The following MARCHF6 variants were observed in gnomAD, a reference collection of about 807,000 sequenced individuals.
MARCHF6 encodes the protein E3 ubiquitin-protein ligase MARCHF6.
In MARCHF6, 31 loss-of-function variants were observed where a neutral mutation model predicts 133.7. The ratio of observed to expected loss-of-function variants is 0.23; its 90% CI spans 0.17 to 0.31. MARCHF6 has a LOEUF of 0.31. Ranked by LOEUF, MARCHF6 falls within the 10% of genes least tolerant of loss-of-function variation. The pLI, the probability that MARCHF6 is intolerant of heterozygous loss-of-function variation, is 1.00. For missense variants in MARCHF6, 723 were observed against 1,121.6 expected (o/e 0.64, Z 5.08); for synonymous variants, 395 against 402.5 (o/e 0.98, Z 0.22).
intron 9 of MARCHF6, among the ~76,000 whole-genome samples, chr5:10,395,123 A>G (rs1738115121): frequency 6.6e-6 from 1 of 152,170 alleles, no homozygotes; most frequent in Non-Finnish European, 1.5e-5. Context: ...CTAGTAACAG[A>G]ATTGGAGTTG....
chr5:10,403,652 T>G, intron 15 of MARCHF6, 111 bp downstream of exon 15: 1 of 964,980 alleles, frequency 1.0e-6, no homozygotes, highest in Non-Finnish European at 1.5e-6. Context: ...TCATATTCTC[T>G]ACTATTTTAT....
At chr5:10,412,489 A>C (rs1199469309) in intron 19 of MARCHF6, among the ~76,000 whole-genome samples, 1 of 152,184 alleles carries the variant, frequency 6.6e-6, no homozygotes, top group Non-Finnish European at 1.5e-5. Flanking sequence ...GAGAGTGAAA[A>C]AAAGGAAGTG....
In MARCHF6 at chr5:10,423,398, A is replaced by G. The variant is rs1239699441; in HGVS notation, c.2284-337A>G. On this transcript the variant is annotated intron_variant, in intron 22 of 25. Transcript: ENST00000274140. Reference sequence around the variant, plus strand: ...ACATAAATCAGCTCACTTGAAACCAATGAAATAGCCTAAAGATAGTTTGAA... The same window carrying G: ...ACATAAATCAGCTCACTTGAAACCAGTGAAATAGCCTAAAGATAGTTTGAA... 3.9e-5 allele frequency among the ~76,000 whole-genome samples: 6 copies of G among 152,376 alleles called. No homozygotes were observed. The South Asian group carries it at 1.0e-3, about 26-fold the overall frequency.
intron 22 of MARCHF6, among the ~76,000 whole-genome samples, chr5:10,420,420 G>A (rs1445850065): frequency 6.8e-6 from 1 of 148,124 alleles, no homozygotes; most frequent in Non-Finnish European, 1.5e-5. Context: ...ATGGCTCAAA[G>A]GGAAACACAC....
At chr5:10,380,213 G>A (rs1272159446) in intron 3 of MARCHF6, among the ~76,000 whole-genome samples, 3 of 148,956 alleles carry the variant, frequency 2.0e-5, no homozygotes, top group Non-Finnish European at 4.5e-5. Context: ...TGAGCTTCTC[G>A]ATATAAATGC....
rs1740661001 is a variant in MARCHF6, at chr5:10,436,503, T to C, written c.*2819T>C. 1 of 152,130 alleles carries C rather than the reference T, an allele frequency of 6.6e-6. No individual in the cohort carries two copies. The highest frequency in any genetic ancestry group is 2.4e-5 in the African/African-American group (1 of 41,430). The allele number at this position is 152,130 out of a possible 1,614,324, so 9.4% of individuals were successfully genotyped here. A position where few individuals can be genotyped will look rare whatever the true frequency, so the allele number is the denominator to read the frequency against. On this transcript the variant is annotated 3_prime_UTR_variant, in exon 26 of 26. Coordinates refer to ENST00000274140, the MANE Select transcript of MARCHF6 (RefSeq NM_005885.4). ...ATTTTTTTTTAAATTATACTATTAT[T>C]TTGCTTAATTTTATATTGGGTTAAA...
chr5:10,424,238 G>T (rs960592395), intron 23 of MARCHF6, among the ~76,000 whole-genome samples: 1 of 152,098 alleles, frequency 6.6e-6, no homozygotes, highest in African/African-American at 2.4e-5. Context: ...AGTCTCTAGG[G>T]GTGGCAAGTG....
chr5:10,381,757 T>C, intron 3 of MARCHF6, 43 bp from the exon 4 acceptor site: 1 of 1,471,426 alleles, frequency 6.8e-7, no homozygotes, highest in Non-Finnish European at 9.2e-7. Flanking sequence ...TAAGCTATTT[T>C]CGAATCTTCA....
rs1378165524 is a variant in MARCHF6 at position 10,378,830 on chromosome 5, C to T, written c.188C>T (p.Pro63Leu). ...ELCKHRFAFT[P>L]IYSPDMPSRL... ...TGCAAGCACAGATTTGCTTTTACAC[C>T]AAGTAAGTTCTTTAGACATTTTCAC... The change falls in exon 3 of 26, where the codon CCA becomes CTA. Residue 63 changes from proline to leucine, a missense_variant and splice_region_variant. This residue lies in a region of MARCHF6 where 91 missense variants were observed against 208.8 expected (regional missense o/e 0.44). Transcript: ENST00000274140. 2.5e-6 allele frequency: 4 copies of T among 1,603,140 alleles called. No individual in the cohort carries two copies. The highest frequency in any genetic ancestry group is 3.4e-6 in the Non-Finnish European group (4 of 1,172,486).
At chr5:10,373,708 C>T (rs1042764300) in intron 1 of MARCHF6, among the ~76,000 whole-genome samples, 6 of 152,126 alleles carry the variant, frequency 3.9e-5, no homozygotes, top group Non-Finnish European at 8.8e-5. Flanking sequence ...GGCTGCTATA[C>T]CCTACTTCCT....
chr5:10,430,827 G>A (rs1561155060), intron 25 of MARCHF6, among the ~76,000 whole-genome samples: 1 of 152,142 alleles, frequency 6.6e-6, no homozygotes, highest in Non-Finnish European at 1.5e-5. Context: ...TCTCTGTTTT[G>A]AGGAAACCAT....
Position 10,411,370 on chromosome 5 carries a change from A to C in MARCHF6, c.1729A>C (p.Asn577His). 6.2e-7 allele frequency: 1 copy of C among 1,614,196 alleles called. No homozygotes were observed. The highest frequency in any genetic ancestry group is 8.5e-7 in the Non-Finnish European group (1 of 1,180,016). The stretch of plus-strand genomic sequence containing the variant: ...TTATTTATTGGGAGACCAGGAAGAA[A>C]ATGAAAACAGTGCAAATCAACAAGT... The part of the protein sequence containing the change: ...HSYLLGDQEE[N>H]ENSANQQVNN... The change falls in exon 19 of 26, where the codon AAT (asparagine) becomes CAT (histidine). Residue 577 changes from asparagine to histidine, a missense_variant. Physicochemically the swap from Asn to His is moderately conservative, Grantham distance 68 (BLOSUM62 1). Around this residue, in one of 4 missense-constraint regions of MARCHF6, gnomAD observed 492 missense variants for 699.5 expected, o/e 0.70. Coordinates refer to ENST00000274140, the MANE Select transcript of MARCHF6 (RefSeq NM_005885.4).
At chr5:10,371,514 A>G (rs1039994413) in intron 1 of MARCHF6, among the ~76,000 whole-genome samples, 1 of 152,202 alleles carries the variant, frequency 6.6e-6, no homozygotes, top group African/African-American at 2.4e-5. Context: ...AGAGAGAGCA[A>G]GTGAGCTTGT....
At chr5:10,406,389 C>A (rs12513484) in intron 16 of MARCHF6, among the ~76,000 whole-genome samples, 1 of 151,000 alleles carries the variant, frequency 6.6e-6, no homozygotes, top group Middle Eastern at 3.2e-3. Flanking sequence ...AATCTAATTT[C>A]TTTCTTTTTT....
At chr5:10,358,912 T>A (rs1233923685) in intron 1 of MARCHF6, among the ~76,000 whole-genome samples, 1 of 152,214 alleles carries the variant, frequency 6.6e-6, no homozygotes, top group Admixed American at 6.5e-5. Flanking sequence ...CCATTCACAG[T>A]TGAGAGATGT....
In MARCHF6 at chr5:10,411,429, T is replaced by G. The variant is rs747742203; in HGVS notation, c.1788T>G (p.Ala596=). 6.2e-7 allele frequency: 1 copy of G among 1,614,112 alleles called. No homozygotes were observed. The highest frequency in any genetic ancestry group is 1.3e-5 in the African/African-American group (1 of 74,938). ...ATCAGCATGCTCGAAATAACAACGCTATTCCTGTGGTGGGAGAAGGCCTTC... is the reference window on the plus strand; with the variant it reads ...ATCAGCATGCTCGAAATAACAACGCGATTCCTGTGGTGGGAGAAGGCCTTC... ...NNNQHARNNN[A]IPVVGEGLHA... Residue 596 remains alanine (A), a synonymous_variant, in exon 19 of 26, where the codon GCT becomes GCG. Transcript: ENST00000274140.
chr5:10,397,892 A>G (rs756727239), intron 10 of MARCHF6, among the ~76,000 whole-genome samples: 16 of 152,204 alleles, frequency 1.1e-4, no homozygotes, highest in Admixed American at 1.3e-4. Context: ...ACAGCACACA[A>G]TGGTCCCTTC....
At chr5:10,382,271 G>A (rs568555387) in intron 4 of MARCHF6, among the ~76,000 whole-genome samples, 24 of 152,252 alleles carry the variant, frequency 1.6e-4, no homozygotes, top group African/African-American at 5.1e-4. Context: ...ACGGCCGGGC[G>A]CGGTGGCTTA....
chr5:10,398,088 T>A (rs531145144), intron 10 of MARCHF6, among the ~76,000 whole-genome samples: 1 of 152,302 alleles, frequency 6.6e-6, no homozygotes, highest in Non-Finnish European at 1.5e-5. Context: ...AGGTGTCCTA[T>A]GATTTGTGTC....
Sources: allele counts gnomAD v4.1 joint callset (sites outside exome capture counted in the v4.1 genomes callset), GRCh38; gene constraint gnomAD v4.1.1; regional missense constraint gnomAD v4.1.1; transcripts MANE v1.5; gene names NCBI Gene and HGNC (gene_info 2026-07-23, HGNC 2026-07-21).